The following GRIK2 variants were observed in gnomAD, a reference collection of about 807,000 sequenced individuals.
GRIK2 encodes the protein glutamate ionotropic receptor kainate type subunit 2, also known as glutamate receptor ionotropic, kainate 2.
In GRIK2, 32 loss-of-function variants were observed where a neutral mutation model predicts 100.3. The observed-to-expected ratio is 0.32, with a 90% CI of 0.24 to 0.43. The LOEUF is 0.43. Ranked by LOEUF, GRIK2 falls within the 20% of genes least tolerant of loss-of-function variation. The pLI is 1.00. For synonymous variants in GRIK2, 417 were observed against 389.4 expected, an observed-to-expected ratio of 1.07 and a Z score of -0.83; for missense variants, 843 against 1,114.9, an observed-to-expected ratio of 0.76 and a Z score of 3.47.
intron 14 of GRIK2, among the ~76,000 whole-genome samples, chr6:102,015,884 G>A (rs1582727720): frequency 6.6e-6 from 1 of 152,266 alleles, no homozygotes; most frequent in Non-Finnish European, 1.5e-5. Flanking sequence ...CAGTCCAGGA[G>A]TCCTGATCTG....
chr6:102,008,806 C>A (rs1338393941), intron 14 of GRIK2, among the ~76,000 whole-genome samples: 2 of 151,940 alleles, frequency 1.3e-5, no homozygotes, highest in Admixed American at 6.6e-5. Flanking sequence ...TACTATACAG[C>A]CATTTATAAC....
At chr6:101,617,927 C>CAT (rs926300905) in intron 2 of GRIK2, among the ~76,000 whole-genome samples, 9 of 151,074 alleles carry the variant, frequency 6.0e-5, no homozygotes, top group South Asian at 2.1e-4. Context: ...AAGAAAATGT[C>CAT]ATATATATAT....
chr6:101,477,740 T>C (rs1167754923), intron 2 of GRIK2, among the ~76,000 whole-genome samples: 1 of 151,946 alleles, frequency 6.6e-6, no homozygotes, highest in Non-Finnish European at 1.5e-5. Flanking sequence ...CAATATCAAA[T>C]GAGCAACAGA....
chr6:101,598,592 TA>T (rs75603851), intron 2 of GRIK2, among the ~76,000 whole-genome samples: 8,705 of 82,542 alleles, frequency 0.11, 160 homozygotes, highest in South Asian at 0.16. Context: ...TCTTCCTTAA[TA>T]AAAAAAAAAA....
intron 2 of GRIK2, chr6:101,430,856 G>A (rs569706706): frequency 5.8e-5 from 19 of 327,818 alleles, no homozygotes; most frequent in South Asian, 1.8e-4. Flanking sequence ...CCTTGATGTC[G>A]CGCACTATCT....
intron 10 of GRIK2, among the ~76,000 whole-genome samples, chr6:101,852,068 G>A (rs1383546530): frequency 6.6e-6 from 1 of 151,626 alleles, no homozygotes; most frequent in East Asian, 1.9e-4. Flanking sequence ...AATAATCCAA[G>A]TAAAGCATTT....
chr6:101,636,917 T>C (rs1353479956), intron 4 of GRIK2, among the ~76,000 whole-genome samples: 1 of 152,128 alleles, frequency 6.6e-6, no homozygotes, highest in Non-Finnish European at 1.5e-5. Flanking sequence ...CTATCTTCCT[T>C]TCTATGTGGT....
chr6:101,885,827 C>A (rs1786572424), intron 11 of GRIK2, among the ~76,000 whole-genome samples: 1 of 152,048 alleles, frequency 6.6e-6, no homozygotes, highest in Non-Finnish European at 1.5e-5. Flanking sequence ...CCCTCCCTTT[C>A]CATTTCCATA....
chr6:101,873,482 ATCCAG>A (rs1785574257), intron 11 of GRIK2, among the ~76,000 whole-genome samples: 1 of 151,716 alleles, frequency 6.6e-6, no homozygotes, highest in South Asian at 2.1e-4. Flanking sequence ...CAATTTCTTA[ATCCAG>A]TCTATCATTG....
chr6:101,760,771 G>A (rs1250821193), intron 7 of GRIK2, among the ~76,000 whole-genome samples: 1 of 121,762 alleles, frequency 8.2e-6, no homozygotes, highest in East Asian at 2.4e-4. Flanking sequence ...TATAAATCAA[G>A]GTTAACACAA....
intron 9 of GRIK2, among the ~76,000 whole-genome samples, chr6:101,807,591 G>A (rs921585413): frequency 6.6e-6 from 1 of 151,868 alleles, no homozygotes; most frequent in Non-Finnish European, 1.5e-5. Flanking sequence ...GAAGACCTCA[G>A]GTGTGCTGTG....
intron 15 of GRIK2, among the ~76,000 whole-genome samples, chr6:102,053,091 A>AACACACACAC (rs148536098): frequency 0.022 from 3,292 of 149,342 alleles, 75 homozygotes; most frequent in African/African-American, 0.057. Flanking sequence ...CAACAACAAC[A>AACACACACAC]ACACACACAC....
chr6:101,742,232 G>A (rs543926920), intron 7 of GRIK2, among the ~76,000 whole-genome samples: 4 of 152,344 alleles, frequency 2.6e-5, no homozygotes, highest in East Asian at 1.9e-4. Context: ...CAATCACTAA[G>A]GTGACAAGTT....
intron 7 of GRIK2, among the ~76,000 whole-genome samples, chr6:101,755,869 T>A (rs1777104635): frequency 6.6e-6 from 1 of 152,210 alleles, no homozygotes. Flanking sequence ...CATTTCATCC[T>A]AGGAAAGCAA....
chr6:101,905,157 A>G (rs533535096), intron 12 of GRIK2, among the ~76,000 whole-genome samples: 1 of 151,608 alleles, frequency 6.6e-6, no homozygotes, highest in Non-Finnish European at 1.5e-5. Context: ...TGATATTAAA[A>G]TGGTCTGTTT....
chr6:101,637,404 A>C (rs965298923), intron 4 of GRIK2, among the ~76,000 whole-genome samples: 1 of 151,960 alleles, frequency 6.6e-6, no homozygotes, highest in Admixed American at 6.6e-5. Flanking sequence ...TTCCCTCTTT[A>C]TTGGGTTGCC....
At chr6:102,030,556 C>G (rs13203240) in intron 14 of GRIK2, among the ~76,000 whole-genome samples, 2,273 of 151,204 alleles carry the variant, frequency 0.015, 25 homozygotes, top group Non-Finnish European at 0.024. Context: ...TTGCCATATC[C>G]AAAGGAAATT....
chr6:101,582,577 G>A (rs947112318), intron 2 of GRIK2, among the ~76,000 whole-genome samples: 2 of 152,048 alleles, frequency 1.3e-5, no homozygotes, highest in African/African-American at 4.8e-5. Flanking sequence ...GCAGCCTCAG[G>A]CATTTCTTCA....
At chr6:101,929,106 A>C (rs1790099126) in intron 14 of GRIK2, among the ~76,000 whole-genome samples, 1 of 152,168 alleles carries the variant, frequency 6.6e-6, no homozygotes, top group Non-Finnish European at 1.5e-5. Flanking sequence ...CTATACGTTC[A>C]CCAAGGTAAT....
Sources: gnomAD v4.1 joint callset for allele counts (sites outside exome capture counted in the v4.1 genomes callset) on GRCh38, gnomAD v4.1.1 for gene constraint, MANE v1.5 for transcripts, NCBI Gene and HGNC (gene_info 2026-07-23, HGNC 2026-07-21) for gene names.